The following DHCR24 variants were observed in gnomAD, a reference collection of about 807,000 sequenced individuals.
The protein encoded by DHCR24 is delta(24)-sterol reductase.
In DHCR24, 28 loss-of-function variants were observed where a neutral mutation model predicts 61.2. The observed-to-expected ratio is 0.46, with a 90% confidence interval of 0.34 to 0.63. The LOEUF (loss-of-function observed/expected upper bound fraction) is 0.63. Among genes scored for constraint, DHCR24 ranks in the 20% least tolerant of loss-of-function variants. The probability of loss-of-function intolerance (pLI) is 0.01; values close to 1 mark genes in which losing one functional copy is unlikely to be tolerated. For missense variants in DHCR24, 538 were observed against 679.1 expected (o/e 0.79, Z 2.31); for synonymous variants, 261 against 275.9 (o/e 0.95, Z 0.54).
At chr1:54,856,246 C>G (rs1206261512) in intron 6 of DHCR24, among the ~76,000 whole-genome samples, 1 of 152,182 alleles carries the variant, frequency 6.6e-6, no homozygotes, top group African/African-American at 2.4e-5. Flanking sequence ...GGAGCAGTTA[C>G]TAGAGAGGCC....
chr1:54,871,755 T>C (rs1647001197), intron 4 of DHCR24, 142 bp from the exon 5 acceptor site: 1 of 1,237,470 alleles, frequency 8.1e-7, no homozygotes, highest in Non-Finnish European at 1.2e-6. Context: ...TTACAAACTG[T>C]GCTTGCTGGG....
chr1:54,853,337 G>T, intron 8 of DHCR24, 97 bp downstream of exon 8: 1 of 1,497,116 alleles, frequency 6.7e-7, no homozygotes. Context: ...TGATAGGCTT[G>T]GGGCTCCTGG....
rs936556824 is a variant in DHCR24, at chr1:54,850,795, G to T, written c.*1438C>A. 1.3e-5 allele frequency: 2 copies of T among 152,304 alleles called. No individual in the cohort carries two copies. The highest frequency in any genetic ancestry group is 4.8e-5 in the African/African-American group (2 of 41,554). The allele number at this position is 152,304 out of a possible 1,614,324, so 9.4% of individuals were successfully genotyped here. On this transcript the variant is annotated 3_prime_UTR_variant, in exon 9 of 9. Transcript: ENST00000371269. ...AGACAATCAGAAGGGTTCCAGGGAG[G>T]TCTTGTCTGTAGCGATGTGACAGAT...
At position 54,875,220 on chromosome 1, in the gene DHCR24, A is replaced by T; in HGVS notation, c.494-9T>A. 2 of 1,613,436 alleles carry T rather than the reference A, an allele frequency of 1.2e-6. No homozygotes were observed. Among genetic ancestry groups the T allele is most frequent in the Non-Finnish European group, 1.7e-6 (2 of 1,179,368 alleles). On this transcript the variant is annotated splice_polypyrimidine_tract_variant and intron_variant, in intron 3 of 8. Transcript: ENST00000371269. Reference sequence around the variant, plus strand: ...GCCCATGATCAAGCCCCCTGCAGAGACATCACACACAGTGTCAGCAGGGAG... The same window carrying T: ...GCCCATGATCAAGCCCCCTGCAGAGTCATCACACACAGTGTCAGCAGGGAG...
chr1:54,886,907 C>T lies in DHCR24; in HGVS notation c.213G>A (p.Val71=), dbSNP rs1286196542. 1 of 1,613,166 alleles carries T rather than the reference C, an allele frequency of 6.2e-7. No individual in the cohort carries two copies. ...SSAPRLHEQR[V]RDIQKQVREW... is the part of the protein sequence containing the mutation. ...CGCTCACCTGCTTCTGGATGTCCCG[C>T]ACGCGCTGCTCGTGCAGGCGCGGAG... Residue 71 remains valine (V), a synonymous_variant, in exon 1 of 9, where the codon GTG becomes GTA. Transcript: ENST00000371269.
At chr1:54,866,775 C>G (rs1274899032) in intron 5 of DHCR24, among the ~76,000 whole-genome samples, 1 of 152,228 alleles carries the variant, frequency 6.6e-6, no homozygotes, top group East Asian at 1.9e-4. Flanking sequence ...TAAGGCCACC[C>G]TGCTGGTGAG....
In DHCR24 at chr1:54,871,409, A is replaced by G; in HGVS notation, c.817T>C (p.Ser273Pro). ...ENHFVEGLLY[S>P]LDEAVIMTGV... ...GTCATAATGACAGCCTCATCCAGGG[A>G]GTAGAGCAGCCCTTCCACGAAGTGG... Residue 273 changes from serine to proline, a missense_variant, in exon 5 of 9, where the codon TCC becomes CCC. Physicochemically the swap from Ser to Pro is moderately conservative, Grantham distance 74. Transcript: ENST00000371269. 6.2e-7 allele frequency: 1 copy of G among 1,614,114 alleles called. No homozygotes were observed. The highest frequency in any genetic ancestry group is 8.5e-7 in the Non-Finnish European group (1 of 1,180,018).
At chr1:54,886,594 A>T (rs929870044) in intron 1 of DHCR24, 5 of 1,429,364 alleles carry the variant, frequency 3.5e-6, no homozygotes, top group Admixed American at 4.2e-5. Context: ...CTTCTCTGAA[A>T]TGCTTGGGCC....
rs180928756 is a variant in DHCR24 at position 54,853,944 on chromosome 1, G to A, written c.1218+93C>T. 8.1e-5 allele frequency: 106 copies of A among 1,303,296 alleles called. No homozygotes were observed. The African/African-American group carries it at 1.2e-3, about 15-fold the overall frequency. The allele number at this position is 1,303,296 out of a possible 1,614,324, so 80.7% of individuals were successfully genotyped here. A position where few individuals can be genotyped will look rare whatever the true frequency, so the allele number is the denominator to read the frequency against. ...AAGTTGGGAAAACACCCAGAGGGCA[G>A]TGTGCCCAAGGTCGGTCACACGGTT... On this transcript the variant is annotated intron_variant, in intron 7 of 8. Transcript: ENST00000371269.
intron 3 of DHCR24, 57 bp from the exon 4 acceptor site, chr1:54,875,268 G>A: frequency 6.4e-7 from 1 of 1,551,828 alleles, no homozygotes; most frequent in Non-Finnish European, 8.9e-7. Context: ...AGGGTTGGGG[G>A]TGGGTTGGAG....
rs1309345387 is a variant in DHCR24, at chr1:54,854,053, A to G, written c.1202T>C (p.Phe401Ser). 2 of 1,613,236 alleles carry G rather than the reference A, an allele frequency of 1.2e-6. No individual in the cohort carries two copies. The highest frequency in any genetic ancestry group is 1.7e-6 in the Non-Finnish European group (2 of 1,179,714). ...MKCLQQALHT[F>S]QNDIHVYPIW... ...CCCACTCACGTGGATGTCGTTTTGG[A>G]AGGTGTGCAGGGCCTGCTGCAGGCA... The change falls in exon 7 of 9, where the codon TTC becomes TCC. Residue 401 changes from phenylalanine (F) to serine (S), a missense_variant. Phe to Ser is a radical substitution (Grantham distance 155). Transcript: ENST00000371269.
At chr1:54,862,039 T>C (rs2101562590) in intron 6 of DHCR24, among the ~76,000 whole-genome samples, 1 of 152,248 alleles carries the variant, frequency 6.6e-6, no homozygotes, top group South Asian at 2.1e-4. Flanking sequence ...GAACTTTCCA[T>C]GTGCCCATCA....
At chr1:54,873,728 C>A (rs1647012010) in intron 4 of DHCR24, among the ~76,000 whole-genome samples, 1 of 152,246 alleles carries the variant, frequency 6.6e-6, no homozygotes, top group African/African-American at 2.4e-5. Flanking sequence ...CGGCTCACTG[C>A]AATCTCTGCC....
At chr1:54,886,500 A>T in intron 1 of DHCR24, 1 of 909,304 alleles carries the variant, frequency 1.1e-6, no homozygotes, top group Non-Finnish European at 1.6e-6. Flanking sequence ...TGCTCACACC[A>T]GTCCCTCCAC....
chr1:54,854,340 A>G, intron 6 of DHCR24, 106 bp from the exon 7 acceptor site: 1 of 935,702 alleles, frequency 1.1e-6, no homozygotes, highest in Non-Finnish European at 1.6e-6. Flanking sequence ...TGACAGAAGC[A>G]CGCCTGAGTC....
chr1:54,879,265 G>C (rs1647051607), intron 2 of DHCR24, among the ~76,000 whole-genome samples: 1 of 143,420 alleles, frequency 7.0e-6, no homozygotes, highest in Admixed American at 7.5e-5. Flanking sequence ...GTTGCAGTGA[G>C]CCGAAATCAC....
intron 6 of DHCR24, among the ~76,000 whole-genome samples, chr1:54,860,302 C>T (rs1042962337): frequency 3.3e-5 from 5 of 152,186 alleles, no homozygotes; most frequent in East Asian, 1.9e-4. Flanking sequence ...ACTGCCCCAC[C>T]GCCTTTCCTC....
intron 4 of DHCR24, among the ~76,000 whole-genome samples, chr1:54,874,162 T>C (rs1647013929): frequency 2.6e-5 from 4 of 152,198 alleles, no homozygotes; most frequent in Admixed American, 2.6e-4. Context: ...GTATTTATTA[T>C]TGAAGAAAGA....
chr1:54,868,365 G>A (rs1343820113), intron 5 of DHCR24, among the ~76,000 whole-genome samples: 1 of 152,116 alleles, frequency 6.6e-6, no homozygotes, highest in South Asian at 2.1e-4. Context: ...AGCTACTTGG[G>A]AGGCTGAGGC....
Sources: allele counts gnomAD v4.1 joint callset (sites outside exome capture counted in the v4.1 genomes callset), GRCh38; gene constraint gnomAD v4.1.1; transcripts MANE v1.5; gene names NCBI Gene and HGNC (gene_info 2026-07-23, HGNC 2026-07-21).